The following MANSC4 variants were observed in gnomAD, a reference collection of about 807,000 sequenced individuals.
MANSC4 encodes MANSC domain-containing protein 4.
Under a neutral mutation model 11.4 loss-of-function variants are expected in MANSC4, and 11 were observed. That is an observed-to-expected ratio of 0.97 (90% CI 0.61 to 1.60). The LOEUF (loss-of-function observed/expected upper bound fraction) is 1.60. MANSC4 is among the 40% of genes most tolerant of loss of function. MANSC4 has a pLI of 0.00. For synonymous variants in MANSC4, 123 were observed against 147.1 expected, an observed-to-expected ratio of 0.84 and a Z score of 1.19; for missense variants, 354 against 404.6, an observed-to-expected ratio of 0.88 and a Z score of 1.07.
intron 1 of MANSC4, among the ~76,000 whole-genome samples, chr12:27,775,024 A>AAAATAAATAAAT (rs71039849): frequency 1.4e-4 from 16 of 112,728 alleles, no homozygotes; most frequent in Non-Finnish European, 2.5e-4. Context: ...ATTCCGTCTC[A>AAAATAAATAAAT]AAATAAATAA....
chr12:27,770,329 T>C (rs11049132), intron 2 of MANSC4, among the ~76,000 whole-genome samples: 24,840 of 151,954 alleles, frequency 0.16, 2,509 homozygotes, highest in Non-Finnish European at 0.23. Flanking sequence ...TACAGGCGCC[T>C]GCCACCACCC....
intron 1 of MANSC4, among the ~76,000 whole-genome samples, chr12:27,778,050 A>G (rs2062125793): frequency 6.6e-6 from 1 of 151,814 alleles, no homozygotes; most frequent in Admixed American, 6.6e-5. Context: ...ACATGGTGAA[A>G]CCCCGTCTCT....
chr12:27,774,310 C>T (rs183946742), intron 1 of MANSC4, among the ~76,000 whole-genome samples: 2 of 152,004 alleles, frequency 1.3e-5, no homozygotes, highest in East Asian at 3.9e-4. Flanking sequence ...AATATTTCAC[C>T]TTTAATTAAT....
intron 1 of MANSC4, among the ~76,000 whole-genome samples, chr12:27,774,667 A>G (rs1336611165): frequency 6.6e-6 from 1 of 152,240 alleles, no homozygotes; most frequent in African/African-American, 2.4e-5. Flanking sequence ...ATAAAATCCA[A>G]TAAACTGAGC....
intron 2 of MANSC4, among the ~76,000 whole-genome samples, chr12:27,767,279 C>A (rs2062076266): frequency 6.6e-6 from 1 of 152,106 alleles, no homozygotes; most frequent in South Asian, 2.1e-4. Context: ...CCAGAAAATG[C>A]CTTTTTAAAA....
rs569914770 is a variant in MANSC4 at position 27,770,243 on chromosome 12, C to T, written c.229+805G>A. Among the ~76,000 whole-genome samples the T allele has an allele frequency of 1.9e-4, 29 of 152,204 alleles. 1 individual carries two copies. Among genetic ancestry groups the T allele is most frequent in the South Asian group, 8.3e-4 (4 of 4,822 alleles). On this transcript the variant is annotated intron_variant, in intron 2 of 3. Transcript: ENST00000381273. ...TTGCCCAGGCTTGAGTGCACTGGTG[C>T]GATCTCGGCTCACTGCAACCTCTGC...
intron 2 of MANSC4, among the ~76,000 whole-genome samples, chr12:27,768,418 AAAAAGAAAAAG>A (rs1372118710): frequency 2.0e-4 from 23 of 117,164 alleles, no homozygotes; most frequent in Admixed American, 4.9e-4. Context: ...AAAAAAAAAA[AAAAAGAAAAAG>A]AAAAAGAAAA....
Position 27,780,097 on chromosome 12 carries a change from C to T in MANSC4, c.-307+113G>A, listed in dbSNP as rs1399195387. On this transcript the variant is annotated intron_variant, in intron 1 of 3. Coordinates refer to ENST00000381273, the MANE Select transcript of MANSC4 (RefSeq NM_001146221.5). The surrounding 1 kb of genome is among the most constrained non-coding windows in gnomAD (Gnocchi z 8.8). ...CGCGAGGACGCCCGCCGCGCTCCGCCGGCCCTTTTTTGGCGCTGAGGGAAA... is the reference window on the plus strand; with the variant it reads ...CGCGAGGACGCCCGCCGCGCTCCGCTGGCCCTTTTTTGGCGCTGAGGGAAA... The T allele has an allele frequency of 1.1e-5, 2 of 176,400 alleles. No homozygotes were observed. The highest frequency in any genetic ancestry group is 2.3e-5 in the Non-Finnish European group (2 of 85,464). 10.9% of individuals were successfully genotyped at this position (176,400 alleles called of 1,614,324 possible).
intron 3 of MANSC4, among the ~76,000 whole-genome samples, chr12:27,765,896 A>G: frequency 6.6e-6 from 1 of 152,222 alleles, no homozygotes; most frequent in Non-Finnish European, 1.5e-5. Flanking sequence ...TTTCTAAAAT[A>G]AAATACACTG....
intron 1 of MANSC4, among the ~76,000 whole-genome samples, chr12:27,775,957 G>T (rs573855733): frequency 6.6e-6 from 1 of 151,718 alleles, no homozygotes; most frequent in Non-Finnish European, 1.5e-5. Context: ...AGGCGTGGTG[G>T]CAGACACCTG....
At chr12:27,768,402 C>CAAAAAAAAAAAAAAAAAAA (rs201953091) in intron 2 of MANSC4, among the ~76,000 whole-genome samples, 6 of 109,674 alleles carry the variant, frequency 5.5e-5, no homozygotes, top group South Asian at 3.2e-4. Flanking sequence ...GACTCTGTCT[C>CAAAAAAAAAAAAAAAAAAA]AAAAAAAAAA....
chr12:27,763,361 G>GA lies in MANSC4; in HGVS notation c.399dup (p.Pro134SerfsTer12), dbSNP rs1565475649. ...GAAGAACGAGTATTTAGATATGTGG[G>GA]AGATTGTTCAAAAACCAGCAAATCC... On this transcript the variant is annotated frameshift_variant, in exon 4 of 4. Coordinates refer to ENST00000381273, the MANE Select transcript of MANSC4 (RefSeq NM_001146221.5). LOFTEE classifies it low-confidence loss of function (END_TRUNC). The GA allele has an allele frequency of 1.3e-6, 2 of 1,549,678 alleles. No individual in the cohort carries two copies. Among genetic ancestry groups the GA allele is most frequent in the East Asian group, 4.9e-5 (2 of 40,900 alleles).
At chr12:27,771,688 A>G (rs777504880) in intron 1 of MANSC4, among the ~76,000 whole-genome samples, 106 bp from the exon 2 acceptor site, 1 of 152,228 alleles carries the variant, frequency 6.6e-6, no homozygotes, top group Non-Finnish European at 1.5e-5. Flanking sequence ...GTCACTTGAC[A>G]TCAGATAAAG....
intron 2 of MANSC4, among the ~76,000 whole-genome samples, chr12:27,769,028 T>C (rs1045952639): frequency 2.6e-5 from 4 of 152,332 alleles, no homozygotes; most frequent in Admixed American, 2.6e-4. Context: ...GCAGAGCCTG[T>C]ACTGCTGCTG....
At chr12:27,778,564 AT>A in intron 1 of MANSC4, among the ~76,000 whole-genome samples, 2 of 151,846 alleles carry the variant, frequency 1.3e-5, no homozygotes. Flanking sequence ...GCTTGTAATA[AT>A]AAAAAAAAAA....
intron 1 of MANSC4, among the ~76,000 whole-genome samples, chr12:27,778,225 C>A (rs1378161429): frequency 5.1e-4 from 69 of 134,892 alleles, no homozygotes; most frequent in East Asian, 6.4e-4. Flanking sequence ...AACTCTGTCT[C>A]AAAAAAAAAA....
chr12:27,764,555 G>A (rs2062063379), intron 3 of MANSC4, among the ~76,000 whole-genome samples: 1 of 151,958 alleles, frequency 6.6e-6, no homozygotes, highest in African/African-American at 2.4e-5. Context: ...ATAATCTTCA[G>A]TCCTTGGTTT....
At chr12:27,779,631 A>C (rs1257045234) in intron 1 of MANSC4, among the ~76,000 whole-genome samples, 2 of 152,282 alleles carry the variant, frequency 1.3e-5, no homozygotes, top group African/African-American at 4.8e-5. Context: ...CTGACACTCG[A>C]TGCCGGACTG....
intron 2 of MANSC4, among the ~76,000 whole-genome samples, chr12:27,769,525 G>A (rs1254554085): frequency 1.3e-5 from 2 of 152,200 alleles, no homozygotes; most frequent in Non-Finnish European, 2.9e-5. Context: ...GTGGAGTCAG[G>A]TAAATTCATG....
Sources: allele counts gnomAD v4.1 joint callset (sites outside exome capture counted in the v4.1 genomes callset), GRCh38; gene constraint gnomAD v4.1.1; non-coding constraint Gnocchi (gnomAD v3.1); transcripts MANE v1.5; gene names NCBI Gene and HGNC (gene_info 2026-07-23, HGNC 2026-07-21).